Variants in ERBB4 observed in about 807,000 individuals in gnomAD.
The protein encoded by ERBB4 is receptor tyrosine-protein kinase erbB-4.
A neutral mutation model predicts 158.0 loss-of-function variants in ERBB4; 42 were observed. The observed-to-expected ratio is 0.27, with a 90% CI of 0.21 to 0.34. The LOEUF (loss-of-function observed/expected upper bound fraction) is 0.34. Ranked by LOEUF, ERBB4 falls within the 10% of genes least tolerant of loss-of-function variation. ERBB4 has a pLI of 1.00. For synonymous variants in ERBB4, 583 were observed against 558.7 expected, an observed-to-expected ratio of 1.04 and a Z score of -0.61; for missense variants, 1,333 against 1,624.1, an observed-to-expected ratio of 0.82 and a Z score of 3.08.
chr2:211,379,540 C>G lies in ERBB4; in HGVS notation c.*4075G>C, dbSNP rs868056963. The G allele has an allele frequency of 6.9e-5, 16 of 231,074 alleles. No individual in the cohort carries two copies. In the Middle Eastern group the frequency reaches 0.012, roughly 168 times the overall value. 14.3% of individuals were successfully genotyped at this position (231,074 alleles called of 1,614,324 possible). On this transcript the variant is annotated 3_prime_UTR_variant, in exon 28 of 28. Transcript: ENST00000342788. Reference sequence around the variant, plus strand: ...AACTTATCTTTTTACTATGCAAAATCCATCCTACATTTTTATATCCTGCAT... The same window carrying G: ...AACTTATCTTTTTACTATGCAAAATGCATCCTACATTTTTATATCCTGCAT...
Position 211,612,194 on chromosome 2 carries a change from T to A in ERBB4, c.2301+6983A>T, listed in dbSNP as rs536622130. Among the ~76,000 whole-genome samples, 34 of 151,746 alleles carry A rather than the reference T, an allele frequency of 2.2e-4. No homozygotes were observed. The Middle Eastern group carries it at 0.01, about 46-fold the overall frequency. On this transcript the variant is annotated intron_variant, in intron 19 of 27. Coordinates refer to ENST00000342788, the MANE Select transcript of ERBB4 (RefSeq NM_005235.3). Reference sequence around the variant, plus strand: ...ATCACAGAAATTAATTGGGCTGGTATAGAGAGGATGTAAAGGAGAATAATA... The same window carrying A: ...ATCACAGAAATTAATTGGGCTGGTAAAGAGAGGATGTAAAGGAGAATAATA...
At chr2:212,128,021 C>T (rs1488466709) in intron 1 of ERBB4, among the ~76,000 whole-genome samples, 1 of 152,196 alleles carries the variant, frequency 6.6e-6, no homozygotes, top group East Asian at 1.9e-4. Context: ...CTAAATTCCG[C>T]ATTAAATAAA....
At chr2:211,687,624 T>C (rs1239858563) in intron 12 of ERBB4, among the ~76,000 whole-genome samples, 2 of 152,206 alleles carry the variant, frequency 1.3e-5, no homozygotes, top group African/African-American at 4.8e-5. Flanking sequence ...CTGTCTTGTC[T>C]ACCTGCCCCT....
chr2:212,370,149 C>T (rs544888720), intron 1 of ERBB4, among the ~76,000 whole-genome samples: 36 of 152,142 alleles, frequency 2.4e-4, no homozygotes, highest in Non-Finnish European at 1.5e-5. Flanking sequence ...GGGGTGGTTT[C>T]CTCCATGCTG....
chr2:211,442,154 C>G (rs1230902940), intron 20 of ERBB4, among the ~76,000 whole-genome samples: 1 of 152,004 alleles, frequency 6.6e-6, no homozygotes, highest in Non-Finnish European at 1.5e-5. Flanking sequence ...AGCTGAAAAC[C>G]CTCTAATTTC....
At chr2:211,810,834 G>T (rs1389056624) in intron 3 of ERBB4, among the ~76,000 whole-genome samples, 9 of 151,616 alleles carry the variant, frequency 5.9e-5, no homozygotes, top group South Asian at 2.1e-4. Flanking sequence ...CACCGCGCCC[G>T]GCTAATTTTT....
At chr2:212,501,561 T>G (rs1690890343) in intron 1 of ERBB4, among the ~76,000 whole-genome samples, 1 of 152,320 alleles carries the variant, frequency 6.6e-6, no homozygotes, top group African/African-American at 2.4e-5. Flanking sequence ...AAAGAAATTT[T>G]CAGGATTTTT....
At chr2:212,095,918 G>C (rs113024511) in intron 2 of ERBB4, among the ~76,000 whole-genome samples, 1,862 of 136,612 alleles carry the variant, frequency 0.014, 22 homozygotes, top group Middle Eastern at 0.037. Flanking sequence ...CTGGGCAACA[G>C]AGCGAGACTC....
At chr2:212,513,239 T>A (rs1225521881) in intron 1 of ERBB4, among the ~76,000 whole-genome samples, 1 of 152,210 alleles carries the variant, frequency 6.6e-6, no homozygotes, top group Non-Finnish European at 1.5e-5. Flanking sequence ...AATAAGTATG[T>A]GCTGAATGAA....
rs148423145 is a variant in ERBB4 at position 212,221,163 on chromosome 2, A to T, written c.83-96260T>A. Reference sequence around the variant, plus strand: ...TTGCAAATATATAAATCTAAGCATTACAATGAAAGTGCTTGGAGTTTATAG... The same window carrying T: ...TTGCAAATATATAAATCTAAGCATTTCAATGAAAGTGCTTGGAGTTTATAG... On this transcript the variant is annotated intron_variant, in intron 1 of 27. Transcript: ENST00000342788. 5.2e-3 allele frequency among the ~76,000 whole-genome samples: 784 copies of T among 151,584 alleles called. 3 individuals carry two copies. Among genetic ancestry groups the T allele is most frequent in the African/African-American group, 0.017 (711 of 41,488 alleles).
At position 211,379,369 on chromosome 2, in the gene ERBB4, C is replaced by T. The variant is rs1559107358; in HGVS notation, c.*4246G>A. 1 of 226,842 alleles carries T rather than the reference C, an allele frequency of 4.4e-6. No individual in the cohort carries two copies. The highest frequency in any genetic ancestry group is 8.7e-6 in the Non-Finnish European group (1 of 114,324). The allele number at this position is 226,842 out of a possible 1,614,324, so 14.1% of individuals were successfully genotyped here. On this transcript the variant is annotated 3_prime_UTR_variant, in exon 28 of 28. Transcript: ENST00000342788. Reference sequence around the variant, plus strand: ...GTTTATTTAAAAAAATAAATAAATACAATTTTCTTTACATTTAAAAAGTGA... The same window carrying T: ...GTTTATTTAAAAAAATAAATAAATATAATTTTCTTTACATTTAAAAAGTGA...
intron 1 of ERBB4, among the ~76,000 whole-genome samples, chr2:212,379,831 G>T (rs2090446391): frequency 6.6e-6 from 1 of 150,930 alleles, no homozygotes; most frequent in African/African-American, 2.4e-5. Context: ...GTGTGTGTGT[G>T]TCTGTGTGTG....
At chr2:211,797,696 T>A (rs2076411238) in intron 3 of ERBB4, among the ~76,000 whole-genome samples, 1 of 151,880 alleles carries the variant, frequency 6.6e-6, no homozygotes, top group Non-Finnish European at 1.5e-5. Context: ...GAATGTTAAT[T>A]TTAAAAATAA....
intron 2 of ERBB4, among the ~76,000 whole-genome samples, chr2:212,013,726 T>G (rs2076445012): frequency 6.6e-6 from 1 of 152,106 alleles, no homozygotes; most frequent in African/African-American, 2.4e-5. Context: ...AGAGGCAAGG[T>G]TTCTTCCCTA....
At chr2:212,244,545 C>T (rs759081798) in intron 1 of ERBB4, among the ~76,000 whole-genome samples, 6 of 152,222 alleles carry the variant, frequency 3.9e-5, no homozygotes, top group East Asian at 3.9e-4. Context: ...TTTATATTTT[C>T]GAGCACTTAT....
intron 20 of ERBB4, among the ~76,000 whole-genome samples, chr2:211,540,898 A>C (rs998337560): frequency 6.6e-6 from 1 of 152,088 alleles, no homozygotes; most frequent in East Asian, 1.9e-4. Context: ...TATAAACAAG[A>C]GTTAACTTCC....
chr2:212,344,272 G>T (rs1466806300), intron 1 of ERBB4, among the ~76,000 whole-genome samples: 2 of 152,208 alleles, frequency 1.3e-5, no homozygotes, highest in South Asian at 2.1e-4. Context: ...ACTATCCTGT[G>T]CATTGTGGAA....
intron 1 of ERBB4, among the ~76,000 whole-genome samples, chr2:212,413,807 ACAATACTT>A (rs2091573577): frequency 6.6e-6 from 1 of 152,202 alleles, no homozygotes; most frequent in African/African-American, 2.4e-5. Flanking sequence ...AAAAAGCCAC[ACAATACTT>A]CAATTATCTT....
chr2:212,017,874 C>T (rs2076563351), intron 2 of ERBB4, among the ~76,000 whole-genome samples: 1 of 152,038 alleles, frequency 6.6e-6, no homozygotes, highest in Non-Finnish European at 1.5e-5. Flanking sequence ...AATAAGCATG[C>T]CACACTGAAA....
Sources: gnomAD v4.1 joint callset for allele counts (sites outside exome capture counted in the v4.1 genomes callset) on GRCh38, gnomAD v4.1.1 for gene constraint, MANE v1.5 for transcripts, NCBI Gene and HGNC (gene_info 2026-07-23, HGNC 2026-07-21) for gene names.